Variants in TRIM2 observed in about 807,000 individuals in gnomAD.
TRIM2 encodes tripartite motif containing 2.
In TRIM2, 20 loss-of-function variants were observed where a neutral mutation model predicts 75.2. The observed-to-expected ratio is 0.27, with a 90% CI of 0.19 to 0.39. The LOEUF (loss-of-function observed/expected upper bound fraction) is 0.39. Ranked by LOEUF, TRIM2 falls within the 10% of genes least tolerant of loss-of-function variation. The pLI is 1.00. For missense variants in TRIM2, 660 were observed against 990.8 expected (o/e 0.67, Z 4.48); for synonymous variants, 373 against 388.3 (o/e 0.96, Z 0.46).
chr4:153,248,612 G>A lies in TRIM2; in HGVS notation c.31-21723G>A, dbSNP rs1215358385. Among the ~76,000 whole-genome samples the A allele has an allele frequency of 6.6e-6, 1 of 152,220 alleles. No individual in the cohort carries two copies. Among genetic ancestry groups the A allele is most frequent in the East Asian group, 1.9e-4 (1 of 5,196 alleles). On this transcript the variant is annotated intron_variant, in intron 1 of 11. Transcript: ENST00000338700. This position sits in a 1 kb window ranked among gnomAD's most constrained non-coding sequence, Gnocchi z 4.0. ...CATTTTACAAACGAGCTAACAGACA[G>A]GCAAGGAGCAACCTGCAGATAAAGC...
Position 153,336,699 on chromosome 4 carries a change from G to A in TRIM2, c.*1733G>A, listed in dbSNP as rs1277583810. On this transcript the variant is annotated 3_prime_UTR_variant, in exon 12 of 12. Transcript: ENST00000338700. ...TTATTGCTTATTAATTTATAATTCA[G>A]TCATTCTCTATATAGGACTTCTTAA... 1.0e-6 allele frequency: 1 copy of A among 984,774 alleles called. No homozygotes were observed. Among genetic ancestry groups the A allele is most frequent in the Non-Finnish European group, 1.2e-6 (1 of 829,156 alleles). 61.0% of individuals were successfully genotyped at this position (984,774 alleles called of 1,614,324 possible).
chr4:153,205,610 C>G (rs1359348183), intron 1 of TRIM2, among the ~76,000 whole-genome samples: 4 of 152,058 alleles, frequency 2.6e-5, no homozygotes, highest in African/African-American at 9.7e-5. Context: ...TGTTTGTTAT[C>G]GACAGGAGCC....
intron 1 of TRIM2, among the ~76,000 whole-genome samples, chr4:153,249,907 A>G (rs997025779): frequency 3.9e-5 from 6 of 152,242 alleles, no homozygotes; most frequent in African/African-American, 1.4e-4. Flanking sequence ...CCGGGAGATT[A>G]CATTCCGGGT....
At chr4:153,311,162 A>G (rs1766199935) in intron 6 of TRIM2, among the ~76,000 whole-genome samples, 1 of 152,216 alleles carries the variant, frequency 6.6e-6, no homozygotes, top group African/African-American at 2.4e-5. Context: ...ACCCCAAAAT[A>G]CAACTATTGC....
At chr4:153,152,920 G>T (rs1303196697), upstream of TRIM2, among the ~76,000 whole-genome samples, 1 of 152,238 alleles carries the variant, frequency 6.6e-6, no homozygotes, top group Non-Finnish European at 1.5e-5. Flanking sequence ...CCTAGGTCAA[G>T]GCTGGCATTT....
chr4:153,251,003 C>G (rs7667188), intron 1 of TRIM2, among the ~76,000 whole-genome samples: 93,422 of 152,138 alleles, frequency 0.61, 29,177 homozygotes, highest in African/African-American at 0.7. Context: ...GGCCAGGCCA[C>G]TTCTGGTGTG....
At chr4:153,233,107 T>G (rs1744102547) in intron 1 of TRIM2, among the ~76,000 whole-genome samples, 1 of 152,210 alleles carries the variant, frequency 6.6e-6, no homozygotes, top group South Asian at 2.1e-4. Context: ...GGCTTGATGT[T>G]TTGGCAAATT....
rs1454692482 is a variant in TRIM2 at position 153,338,233 on chromosome 4, G to T, written c.*3267G>T. On this transcript the variant is annotated 3_prime_UTR_variant, in exon 12 of 12. Transcript: ENST00000338700. ...AATCCTTAGCACTGACGGGTTAACA[G>T]AAATGCTTTGGTAATACCTACTTAG... The T allele has an allele frequency of 1.0e-6, 1 of 985,736 alleles. No individual in the cohort carries two copies. Among genetic ancestry groups the T allele is most frequent in the Non-Finnish European group, 1.2e-6 (1 of 829,926 alleles). 61.1% of individuals were successfully genotyped at this position (985,736 alleles called of 1,614,324 possible).
chr4:153,270,984 A>G (rs934094152), intron 2 of TRIM2, among the ~76,000 whole-genome samples: 3 of 152,210 alleles, frequency 2.0e-5, no homozygotes, highest in Admixed American at 6.5e-5. Flanking sequence ...CTAATGTCAC[A>G]TTTGAATGCT....
At chr4:153,242,748 C>T (rs751594393) in intron 1 of TRIM2, among the ~76,000 whole-genome samples, 35 of 152,302 alleles carry the variant, frequency 2.3e-4, no homozygotes, top group African/African-American at 4.1e-4. Context: ...AAAGAGAGGA[C>T]GCTGGGGCAG....
intron 6 of TRIM2, chr4:153,307,967 C>T (rs1426010432): frequency 1.3e-6 from 1 of 757,622 alleles, no homozygotes; most frequent in Non-Finnish European, 2.5e-6. Flanking sequence ...AATACAGGGG[C>T]TTGTTCTGAA....
chr4:153,228,570 A>T (rs1469974918), intron 1 of TRIM2, among the ~76,000 whole-genome samples: 4 of 152,224 alleles, frequency 2.6e-5, no homozygotes, highest in Non-Finnish European at 5.9e-5. Context: ...TCAAAACTCA[A>T]TTCAACAGTT....
intron 1 of TRIM2, among the ~76,000 whole-genome samples, chr4:153,254,077 G>C (rs72727887): frequency 0.085 from 12,880 of 152,256 alleles, 715 homozygotes; most frequent in Middle Eastern, 0.13. Flanking sequence ...TATGAACAGA[G>C]TGTGACTAGG....
intron 1 of TRIM2, among the ~76,000 whole-genome samples, chr4:153,269,985 G>A (rs1756242244): frequency 6.6e-6 from 1 of 152,072 alleles, no homozygotes; most frequent in Admixed American, 6.5e-5. Flanking sequence ...CTGGAGTGCA[G>A]TGGCGCGATC....
intron 1 of TRIM2, among the ~76,000 whole-genome samples, chr4:153,239,841 T>TTC (rs1362864643): frequency 2.7e-5 from 4 of 150,262 alleles, no homozygotes; most frequent in Non-Finnish European, 4.4e-5. Flanking sequence ...TCTCTTTTTT[T>TTC]TTTTTTTTTT....
At chr4:153,201,265 C>T (rs1289886082), upstream of TRIM2, among the ~76,000 whole-genome samples, 1 of 152,050 alleles carries the variant, frequency 6.6e-6, no homozygotes, top group Non-Finnish European at 1.5e-5. Context: ...TGCCCAGCCT[C>T]ATTGTGTTTT....
intron 3 of TRIM2, among the ~76,000 whole-genome samples, chr4:153,287,391 T>C (rs1760887481): frequency 6.6e-6 from 1 of 152,232 alleles, no homozygotes; most frequent in African/African-American, 2.4e-5. Flanking sequence ...AGCCCTTTGA[T>C]TGGAGAGTTT....
chr4:153,172,141 A>T (rs1579302163), intron 1 of TRIM2, among the ~76,000 whole-genome samples: 1 of 148,928 alleles, frequency 6.7e-6, no homozygotes, highest in South Asian at 2.1e-4. Context: ...TATGATAGTA[A>T]TTTTTTTTTT....
intron 1 of TRIM2, among the ~76,000 whole-genome samples, chr4:153,179,146 G>A (rs1365092093): frequency 7.9e-5 from 12 of 151,926 alleles, no homozygotes; most frequent in Admixed American, 7.2e-4. Flanking sequence ...CTGCACTCCA[G>A]CCATTAATTA....
Sources: allele counts gnomAD v4.1 joint callset (sites outside exome capture counted in the v4.1 genomes callset), GRCh38; gene constraint gnomAD v4.1.1; non-coding constraint Gnocchi (gnomAD v3.1); transcripts MANE v1.5; gene names NCBI Gene and HGNC (gene_info 2026-07-23, HGNC 2026-07-21).